The following FAM162B variants were observed in gnomAD, a reference collection of about 807,000 sequenced individuals.
FAM162B encodes protein FAM162B.
Under a neutral mutation model 20.0 loss-of-function variants are expected in FAM162B, and 16 were observed. The ratio of observed to expected loss-of-function variants is 0.80; its 90% CI spans 0.54 to 1.21. The LOEUF is 1.21. FAM162B is among the 50% of genes most tolerant of loss of function. The pLI is 0.00. For synonymous variants in FAM162B, 83 were observed against 89.7 expected (o/e 0.93, Z 0.42); for missense variants, 260 against 227.5 (o/e 1.14, Z -0.92).
At chr6:116,761,405 G>A (rs1582436207) in intron 3 of FAM162B, among the ~76,000 whole-genome samples, 1 of 151,976 alleles carries the variant, frequency 6.6e-6, no homozygotes, top group Non-Finnish European at 1.5e-5. Flanking sequence ...TCATACTTCT[G>A]TGCAATAGCT....
intron 3 of FAM162B, among the ~76,000 whole-genome samples, chr6:116,758,942 T>C (rs1001467500): frequency 3.3e-5 from 5 of 152,224 alleles, no homozygotes; most frequent in Non-Finnish European, 7.3e-5. Context: ...TGTTTTAATA[T>C]ATTTTAGAGC....
At chr6:116,764,804 G>C (rs939833966) in intron 2 of FAM162B, among the ~76,000 whole-genome samples, 1 of 152,166 alleles carries the variant, frequency 6.6e-6, no homozygotes, top group African/African-American at 2.4e-5. Context: ...GCAGCCATCC[G>C]GATGCTCGCG....
chr6:116,764,659 G>T (rs1157727239), intron 2 of FAM162B, among the ~76,000 whole-genome samples: 2 of 151,990 alleles, frequency 1.3e-5, no homozygotes, highest in Non-Finnish European at 2.9e-5. Context: ...CAGAAGAGGA[G>T]GCCGCATGGA....
chr6:116,765,682 T>C lies in FAM162B; in HGVS notation c.-106A>G, dbSNP rs1771903516. 5 of 1,194,254 alleles carry C rather than the reference T, an allele frequency of 4.2e-6. No individual in the cohort carries two copies. In the South Asian group the frequency reaches 1.2e-4, roughly 30 times the overall value. The allele number at this position is 1,194,254 out of a possible 1,614,324, so 74.0% of individuals were successfully genotyped here. On this transcript the variant is annotated 5_prime_UTR_variant, in exon 1 of 4. Coordinates refer to ENST00000368557, the MANE Select transcript of FAM162B (RefSeq NM_001085480.3). ...CCGGCCTGCCGCGCGCTGGAGAGCC[T>C]GGGACGTGCAGCTGGAACCCCTGGC...
In FAM162B at chr6:116,753,620, A is replaced by C. The variant is rs76502759; in HGVS notation, c.391-925T>G. ...TTCAACTTTTGACACGTTAAGTTTGAGATTCCATTAGACATCCAAAGGGAA... is the reference window on the plus strand; with the variant it reads ...TTCAACTTTTGACACGTTAAGTTTGCGATTCCATTAGACATCCAAAGGGAA... On this transcript the variant is annotated intron_variant, in intron 3 of 3. Transcript: ENST00000368557. Among the ~76,000 whole-genome samples, 65 of 152,310 alleles carry C rather than the reference A, an allele frequency of 4.3e-4. 1 individual carries two copies. The East Asian group carries it at 0.012, about 29-fold the overall frequency.
At chr6:116,759,780 T>A (rs1458077476) in intron 3 of FAM162B, among the ~76,000 whole-genome samples, 2 of 152,172 alleles carry the variant, frequency 1.3e-5, no homozygotes, top group African/African-American at 4.8e-5. Context: ...TCATACCATC[T>A]TCTCTTTGCT....
At chr6:116,756,936 T>C (rs2114548419) in intron 3 of FAM162B, among the ~76,000 whole-genome samples, 1 of 152,318 alleles carries the variant, frequency 6.6e-6, no homozygotes, top group African/African-American at 2.4e-5. Flanking sequence ...TTCAATACCA[T>C]TAGAATAGAT....
Position 116,755,056 on chromosome 6 carries a change from A to G in FAM162B, c.391-2361T>C, listed in dbSNP as rs191153447. On this transcript the variant is annotated intron_variant, in intron 3 of 3. Coordinates refer to ENST00000368557, the MANE Select transcript of FAM162B (RefSeq NM_001085480.3). ...ATGCAACAATATTGAAATTAGGCCAATTAATAACCCTATAATGGCCTCTAC... is the reference window on the plus strand; with the variant it reads ...ATGCAACAATATTGAAATTAGGCCAGTTAATAACCCTATAATGGCCTCTAC... Among the ~76,000 whole-genome samples, 656 of 152,292 alleles carry G rather than the reference A, an allele frequency of 4.3e-3. 17 individuals are homozygous for G. Among genetic ancestry groups the G allele is most frequent in the South Asian group, 0.041 (200 of 4,820 alleles).
At chr6:116,754,767 T>C (rs940506051) in intron 3 of FAM162B, among the ~76,000 whole-genome samples, 1 of 152,222 alleles carries the variant, frequency 6.6e-6, no homozygotes, top group Non-Finnish European at 1.5e-5. Flanking sequence ...GCTCCATTTT[T>C]CCAACAGCAT....
intron 3 of FAM162B, among the ~76,000 whole-genome samples, chr6:116,758,479 C>G (rs975278482): frequency 3.3e-5 from 5 of 151,988 alleles, no homozygotes; most frequent in Non-Finnish European, 5.9e-5. Context: ...AAAATTAGCT[C>G]TTAGTTTGTG....
chr6:116,764,517 G>T (rs946676339), intron 2 of FAM162B, among the ~76,000 whole-genome samples: 3 of 152,066 alleles, frequency 2.0e-5, no homozygotes, highest in African/African-American at 7.2e-5. Context: ...ATTAGTTTGA[G>T]TTTTATCATC....
intron 2 of FAM162B, among the ~76,000 whole-genome samples, chr6:116,764,602 G>A (rs1771868103): frequency 6.6e-6 from 1 of 152,066 alleles, no homozygotes; most frequent in African/African-American, 2.4e-5. Context: ...GAGTAAACCC[G>A]GAGCCTAGAG....
Position 116,758,155 on chromosome 6 carries a change from T to C in FAM162B, c.390+3822A>G, listed in dbSNP as rs140689065. Among the ~76,000 whole-genome samples, 813 of 152,272 alleles carry C rather than the reference T, an allele frequency of 5.3e-3. 8 individuals are homozygous for C. Among genetic ancestry groups the C allele is most frequent in the African/African-American group, 0.019 (781 of 41,544 alleles). ...ACGCAATTAATAAGAGCTTCTAGAT[T>C]GGAGCAAGAATCATTTACAATAGGC... On this transcript the variant is annotated intron_variant, in intron 3 of 3. Transcript: ENST00000368557.
intron 3 of FAM162B, among the ~76,000 whole-genome samples, chr6:116,760,097 GATATTCTA>G (rs1173909326): frequency 1.3e-5 from 2 of 152,106 alleles, no homozygotes; most frequent in Non-Finnish European, 2.9e-5. Flanking sequence ...TTAATTCCAT[GATATTCTA>G]ATAACTACAT....
intron 3 of FAM162B, among the ~76,000 whole-genome samples, chr6:116,760,582 G>C (rs1345793237): frequency 3.9e-5 from 6 of 152,082 alleles, no homozygotes; most frequent in Non-Finnish European, 7.4e-5. Context: ...ATGTAGATGA[G>C]GCAATACACT....
rs1771907921 is a variant in FAM162B, at chr6:116,765,708, G to T, written c.-132C>A. Reference sequence around the variant, plus strand: ...GGGACGTGCAGCTGGAACCCCTGGCGCTCGCACACTCAGCTCGCTATCCCC... The same window carrying T: ...GGGACGTGCAGCTGGAACCCCTGGCTCTCGCACACTCAGCTCGCTATCCCC... On this transcript the variant is annotated 5_prime_UTR_variant, in exon 1 of 4. Coordinates refer to ENST00000368557, the MANE Select transcript of FAM162B (RefSeq NM_001085480.3). 3 of 1,049,538 alleles carry T rather than the reference G, an allele frequency of 2.9e-6. No individual in the cohort carries two copies. The highest frequency in any genetic ancestry group is 8.5e-5 in the Admixed American group (2 of 23,406). 65.0% of individuals were successfully genotyped at this position (1,049,538 alleles called of 1,614,324 possible). A position where few individuals can be genotyped will look rare whatever the true frequency, so the allele number is the denominator to read the frequency against.
intron 2 of FAM162B, among the ~76,000 whole-genome samples, chr6:116,764,249 C>T (rs1319363833): frequency 6.6e-6 from 1 of 152,164 alleles, no homozygotes; most frequent in African/African-American, 2.4e-5. Context: ...TTACATTGTA[C>T]AAATATACAG....
At chr6:116,765,312 A>G (rs931368848) in intron 1 of FAM162B, 57 bp from the exon 2 acceptor site, 64 of 1,584,410 alleles carry the variant, frequency 4.0e-5, no homozygotes, top group Non-Finnish European at 2.4e-5. Flanking sequence ...ACAGAGGATC[A>G]GCGCGCCCTC....
intron 3 of FAM162B, among the ~76,000 whole-genome samples, chr6:116,759,528 C>T (rs1457224674): frequency 1.3e-5 from 2 of 151,730 alleles, no homozygotes; most frequent in Non-Finnish European, 2.9e-5. Context: ...AGGATGATCT[C>T]GATTTCCTGA....
Sources: gnomAD v4.1 joint callset for allele counts (sites outside exome capture counted in the v4.1 genomes callset) on GRCh38, gnomAD v4.1.1 for gene constraint, MANE v1.5 for transcripts, NCBI Gene and HGNC (gene_info 2026-07-23, HGNC 2026-07-21) for gene names.